The following OR4M1 variants were observed in gnomAD, a reference collection of about 807,000 sequenced individuals.
The protein encoded by OR4M1 is olfactory receptor family 4 subfamily M member 1.
OR4M1 carries 7 observed loss-of-function variants against 9.8 expected under a neutral mutation model. The observed-to-expected ratio is 0.71, with a 90% CI of 0.41 to 1.34. The LOEUF is 1.34. OR4M1 is among the 40% of genes most tolerant of loss of function. OR4M1 has a pLI of 0.01. For synonymous variants in OR4M1, 121 were observed against 139.8 expected (o/e 0.87, Z 0.95); for missense variants, 331 against 380.4 (o/e 0.87, Z 1.08).
rs542332890 is a variant in OR4M1, at chr14:19,782,141, C to T, written c.*877C>T. The T allele has an allele frequency of 6.6e-6, 1 of 152,392 alleles. No individual in the cohort carries two copies. The highest frequency in any genetic ancestry group is 2.1e-4 in the South Asian group (1 of 4,832). 9.4% of individuals were successfully genotyped at this position (152,392 alleles called of 1,614,324 possible). Reference sequence around the variant, plus strand: ...TGTTTTCCGTAATTGCTAATCCTGCCTCTCATGTTAAACTTAAATTGGTTA... The same window carrying T: ...TGTTTTCCGTAATTGCTAATCCTGCTTCTCATGTTAAACTTAAATTGGTTA... On this transcript the variant is annotated 3_prime_UTR_variant, in exon 2 of 2. Coordinates refer to ENST00000641200, the MANE Select transcript of OR4M1 (RefSeq NM_001005500.2).
Position 19,782,743 on chromosome 14 carries a change from T to C in OR4M1, c.*1479T>C, listed in dbSNP as rs185433723. The C allele has an allele frequency of 1.5e-3, 226 of 152,338 alleles. No individual in the cohort carries two copies. The highest frequency in any genetic ancestry group is 5.1e-3 in the African/African-American group (212 of 41,562). 9.4% of individuals were successfully genotyped at this position (152,338 alleles called of 1,614,324 possible). On this transcript the variant is annotated 3_prime_UTR_variant, in exon 2 of 2. Transcript: ENST00000641200. The stretch of plus-strand genomic sequence containing the variant: ...TCTTCTAGGAACCCAAAGGCATGGA[T>C]TGATGTTATGAGTCCTGATTTTTGA...
rs1451969764 is a variant in OR4M1, at chr14:19,782,922, T to C, written c.*1658T>C. Reference sequence around the variant, plus strand: ...TAAATCTTTTATCATCTTACTGTCATTTCTCTGTATTTGATCTAGCCAGAC... The same window carrying C: ...TAAATCTTTTATCATCTTACTGTCACTTCTCTGTATTTGATCTAGCCAGAC... On this transcript the variant is annotated 3_prime_UTR_variant, in exon 2 of 2. Transcript: ENST00000641200. 1 of 152,254 alleles carries C rather than the reference T, an allele frequency of 6.6e-6. No homozygotes were observed. Among genetic ancestry groups the C allele is most frequent in the Non-Finnish European group, 1.5e-5 (1 of 68,040 alleles). The allele number at this position is 152,254 out of a possible 1,614,324, so 9.4% of individuals were successfully genotyped here.
At chr14:19,779,673 G>C (rs902171345) in intron 1 of OR4M1, among the ~76,000 whole-genome samples, 2 of 152,214 alleles carry the variant, frequency 1.3e-5, no homozygotes, top group Admixed American at 6.5e-5. Context: ...GTCACAGCTA[G>C]AAGAATTTTT....
rs770223165 is a variant in OR4M1, at chr14:19,780,384, G to A, written c.62G>A (p.Arg21Gln). 1.1e-5 allele frequency: 17 copies of A among 1,614,140 alleles called. No homozygotes were observed. Among genetic ancestry groups the A allele is most frequent in the Admixed American group, 6.7e-5 (4 of 60,028 alleles). ...EFVLTGLSQTREVQLVLFVIF... is the reference protein window; with the variant it reads ...EFVLTGLSQTQEVQLVLFVIF... The stretch of plus-strand genomic sequence containing the variant: ...GTTCTCACTGGCCTATCCCAGACTC[G>A]GGAGGTCCAACTAGTCCTATTTGTT... Residue 21 changes from arginine (R) to glutamine (Q), a missense_variant, in exon 2 of 2, where the codon CGG (arginine) becomes CAG (glutamine). This residue lies in a region of OR4M1 where 209 missense variants were observed against 200.0 expected (regional missense o/e 1.04). Coordinates refer to ENST00000641200, the MANE Select transcript of OR4M1 (RefSeq NM_001005500.2).
intron 1 of OR4M1, among the ~76,000 whole-genome samples, chr14:19,776,450 C>T (rs1183356951): frequency 2.0e-5 from 3 of 152,190 alleles, no homozygotes; most frequent in Admixed American, 6.5e-5. Context: ...CTAGGTACTA[C>T]GTCCCTGTAG....
At chr14:19,779,895 G>A (rs1387804360) in intron 1 of OR4M1, among the ~76,000 whole-genome samples, 1 of 152,216 alleles carries the variant, frequency 6.6e-6, no homozygotes, top group African/African-American at 2.4e-5. Context: ...GCATGATTTT[G>A]CAACAAAAAA....
intron 1 of OR4M1, among the ~76,000 whole-genome samples, chr14:19,778,384 A>G (rs1474302211): frequency 6.6e-6 from 1 of 152,212 alleles, no homozygotes; most frequent in African/African-American, 2.4e-5. Context: ...TCATTGCATC[A>G]TGTCCCCATA....
Position 19,781,404 on chromosome 14 carries a change from T to G in OR4M1, c.*140T>G, listed in dbSNP as rs1209154199. On this transcript the variant is annotated 3_prime_UTR_variant, in exon 2 of 2. Transcript: ENST00000641200. ...ACTATAATTTTTCTCTATTAATTCC[T>G]CTTTATATTGAAAAAATAGAGGCAT... 6.1e-6 allele frequency: 5 copies of G among 822,084 alleles called. No individual in the cohort carries two copies. In the Admixed American group the frequency reaches 1.6e-4, roughly 26 times the overall value. The allele number at this position is 822,084 out of a possible 1,614,324, so 50.9% of individuals were successfully genotyped here. A position where few individuals can be genotyped will look rare whatever the true frequency, so the allele number is the denominator to read the frequency against.
At position 19,780,342 on chromosome 14, in the gene OR4M1, C is replaced by T. The variant is rs1446964299; in HGVS notation, c.20C>T (p.Thr7Ile). The part of the protein sequence containing the change: METANY[T>I]KVTEFVLTGL... ...GAAGAAATGGAAACTGCAAATTACACCAAGGTGACAGAATTTGTTCTCACT... is the reference window on the plus strand; with the variant it reads ...GAAGAAATGGAAACTGCAAATTACATCAAGGTGACAGAATTTGTTCTCACT... The change falls in exon 2 of 2, where the codon ACC becomes ATC. Residue 7 changes from threonine to isoleucine, a missense_variant. Thr to Ile is a moderately conservative substitution (Grantham distance 89). Transcript: ENST00000641200. The T allele has an allele frequency of 1.2e-6, 2 of 1,611,830 alleles. No individual in the cohort carries two copies. The highest frequency in any genetic ancestry group is 1.1e-5 in the South Asian group (1 of 90,612).
intron 1 of OR4M1, among the ~76,000 whole-genome samples, chr14:19,776,752 A>G (rs1878319894): frequency 6.6e-6 from 1 of 152,094 alleles, no homozygotes; most frequent in Non-Finnish European, 1.5e-5. Context: ...TACAGTGCAT[A>G]CCCAAGTATG....
chr14:19,777,895 G>T (rs1878358790), intron 1 of OR4M1, among the ~76,000 whole-genome samples: 1 of 152,032 alleles, frequency 6.6e-6, no homozygotes, highest in Admixed American at 6.6e-5. Context: ...GTGTGTGTGT[G>T]TGTGTTATGA....
chr14:19,777,047 T>TAC (rs1878336235), intron 1 of OR4M1, among the ~76,000 whole-genome samples: 1 of 125,144 alleles, frequency 8.0e-6, no homozygotes, highest in Non-Finnish European at 1.7e-5. Flanking sequence ...TATATATATA[T>TAC]ATTGTTTGTT....
intron 1 of OR4M1, among the ~76,000 whole-genome samples, chr14:19,774,002 A>C (rs1878240559): frequency 6.6e-6 from 1 of 152,260 alleles, no homozygotes; most frequent in Non-Finnish European, 1.5e-5. Context: ...TCCTGAAAGA[A>C]AGTCAGGAAA....
Position 19,780,974 on chromosome 14 carries a change from T to C in OR4M1, c.652T>C (p.Tyr218His). The C allele has an allele frequency of 6.2e-7, 1 of 1,614,240 alleles. No individual in the cohort carries two copies. The highest frequency in any genetic ancestry group is 8.5e-7 in the Non-Finnish European group (1 of 1,180,022). Residue 218 changes from tyrosine (Y) to histidine (H), a missense_variant, in exon 2 of 2, where the codon TAT becomes CAT. Physicochemically the swap from Tyr to His is moderately conservative, Grantham distance 83 (BLOSUM62 2). Around this residue, in one of 2 missense-constraint regions of OR4M1, gnomAD observed 122 missense variants for 180.5 expected, o/e 0.68. Transcript: ENST00000641200. ...VVCFIALLMS[Y>H]AFLLALLKKH... is the part of the protein sequence containing the mutation. ...GTGTTTCATTGCTCTGTTAATGTCC[T>C]ATGCCTTCCTTCTGGCCTTGCTCAA...
rs1878536562 is a variant in OR4M1 at position 19,782,681 on chromosome 14, T to C, written c.*1417T>C. ...TTTTTGCTTTGGGAATTTTTCCTTA[T>C]GGTGACCTTCTTCGATCTTCAATGC... On this transcript the variant is annotated 3_prime_UTR_variant, in exon 2 of 2. Coordinates refer to ENST00000641200, the MANE Select transcript of OR4M1 (RefSeq NM_001005500.2). The C allele has an allele frequency of 1.3e-5, 2 of 152,254 alleles. No individual in the cohort carries two copies. The highest frequency in any genetic ancestry group is 4.1e-4 in the South Asian group (2 of 4,836). The allele number at this position is 152,254 out of a possible 1,614,324, so 9.4% of individuals were successfully genotyped here. A position where few individuals can be genotyped will look rare whatever the true frequency, so the allele number is the denominator to read the frequency against.
chr14:19,774,954 G>A (rs1035346230), intron 1 of OR4M1, among the ~76,000 whole-genome samples: 17 of 152,158 alleles, frequency 1.1e-4, no homozygotes, highest in African/African-American at 3.4e-4. Flanking sequence ...ACCCTCTCTT[G>A]GCCAAGGGCA....
At chr14:19,774,843 C>A (rs1332281977) in intron 1 of OR4M1, among the ~76,000 whole-genome samples, 2 of 152,168 alleles carry the variant, frequency 1.3e-5, no homozygotes, top group African/African-American at 4.8e-5. Context: ...ATGTGAGTTG[C>A]CCAGGATTAC....
chr14:19,778,467 G>A lies in OR4M1; in HGVS notation c.-29-1827G>A, dbSNP rs1212028276. ...ATATTCACCTCCTTTCAATAATAAAGGGACAATTATTTACTTAGGAAAAAA... is the reference window on the plus strand; with the variant it reads ...ATATTCACCTCCTTTCAATAATAAAAGGACAATTATTTACTTAGGAAAAAA... On this transcript the variant is annotated intron_variant, in intron 1 of 1. Coordinates refer to ENST00000641200, the MANE Select transcript of OR4M1 (RefSeq NM_001005500.2). Among the ~76,000 whole-genome samples, 5 of 152,312 alleles carry A rather than the reference G, an allele frequency of 3.3e-5. No individual in the cohort carries two copies. The East Asian group carries it at 5.8e-4, about 18-fold the overall frequency.
rs761367608 is a variant in OR4M1, at chr14:19,780,522, C to A, written c.200C>A (p.Ala67Asp). The A allele has an allele frequency of 2.5e-6, 4 of 1,614,200 alleles. No individual in the cohort carries two copies. The Admixed American group carries it at 6.7e-5, about 27-fold the overall frequency. The change falls in exon 2 of 2, where the codon GCC becomes GAC. Residue 67 changes from alanine (A) to aspartate (D), a missense_variant. This residue lies in a region of OR4M1 where 209 missense variants were observed against 200.0 expected (regional missense o/e 1.04). Transcript: ENST00000641200. ...ATGTATTTCCTGTTGGCTAATCTGG[C>A]CCTCCTTGATATTTGGTACTCTTCC... ...SPMYFLLANL[A>D]LLDIWYSSIT...
Sources: gnomAD v4.1 joint callset for allele counts (sites outside exome capture counted in the v4.1 genomes callset) on GRCh38, gnomAD v4.1.1 for gene constraint, gnomAD v4.1.1 regional missense constraint, MANE v1.5 for transcripts, NCBI Gene and HGNC (gene_info 2026-07-23, HGNC 2026-07-21) for gene names.